Variants in CNGA3 observed in about 807,000 individuals in gnomAD.
The protein encoded by CNGA3 is cyclic nucleotide-gated channel alpha-3.
Under a neutral mutation model 46.6 loss-of-function variants are expected in CNGA3, and 42 were observed. The observed-to-expected ratio is 0.90, with a 90% CI of 0.70 to 1.17. CNGA3 has a LOEUF of 1.17. CNGA3 is among the 50% of genes most tolerant of loss of function. The pLI is 0.00. For missense variants in CNGA3, 893 were observed against 890.7 expected, an observed-to-expected ratio of 1.00 and a Z score of -0.03; for synonymous variants, 394 against 369.4, an observed-to-expected ratio of 1.07 and a Z score of -0.76.
intron 4 of CNGA3, among the ~76,000 whole-genome samples, chr2:98,381,536 ATTTG>A (rs202088589): frequency 0.019 from 2,886 of 152,166 alleles, 51 homozygotes; most frequent in South Asian, 0.046. Context: ...GGCAGTGGGT[ATTTG>A]TATGTCATAG....
At chr2:98,363,479 CT>C (rs1692079270) in intron 1 of CNGA3, among the ~76,000 whole-genome samples, 1 of 152,062 alleles carries the variant, frequency 6.6e-6, no homozygotes, top group Non-Finnish European at 1.5e-5. Context: ...ATGCTTGTGA[CT>C]TTTGTATCCT....
chr2:98,388,929 G>A (rs936025099), intron 5 of CNGA3, among the ~76,000 whole-genome samples: 1 of 152,224 alleles, frequency 6.6e-6, no homozygotes, highest in Admixed American at 6.5e-5. Flanking sequence ...CGCATGGGAT[G>A]GCAGAGGGGA....
intron 1 of CNGA3, among the ~76,000 whole-genome samples, chr2:98,368,390 G>C (rs770908354): frequency 6.6e-6 from 1 of 152,230 alleles, no homozygotes; most frequent in African/African-American, 2.4e-5. Flanking sequence ...GGCTGCTCAA[G>C]AGAGCCTGTG....
At chr2:98,367,187 T>G (rs1294888360) in intron 1 of CNGA3, among the ~76,000 whole-genome samples, 2 of 139,746 alleles carry the variant, frequency 1.4e-5, no homozygotes, top group South Asian at 2.3e-4. Context: ...TTTTTTTTCT[T>G]TTTTTTTTTT....
At chr2:98,372,843 C>T (rs1384186199) in intron 2 of CNGA3, among the ~76,000 whole-genome samples, 2 of 152,164 alleles carry the variant, frequency 1.3e-5, no homozygotes, top group African/African-American at 4.8e-5. Context: ...CATTTCCTGC[C>T]TGTGTCCAAG....
intron 1 of CNGA3, among the ~76,000 whole-genome samples, chr2:98,360,025 C>T (rs771046299): frequency 2.8e-4 from 43 of 152,154 alleles, no homozygotes; most frequent in Non-Finnish European, 5.7e-4. Context: ...AGCATGGGGT[C>T]CTTTAAAGCA....
chr2:98,362,173 C>CTT (rs1231791527), intron 1 of CNGA3, among the ~76,000 whole-genome samples: 1,737 of 89,742 alleles, frequency 0.019, 20 homozygotes, highest in Non-Finnish European at 0.022. Flanking sequence ...CCTTTGCCCA[C>CTT]TTTTTTTTTT....
intron 1 of CNGA3, among the ~76,000 whole-genome samples, chr2:98,352,885 A>G (rs1166196742): frequency 6.6e-6 from 1 of 152,154 alleles, no homozygotes; most frequent in Non-Finnish European, 1.5e-5. Flanking sequence ...ATTCTTTATA[A>G]TAAATCATAT....
At position 98,397,226 on chromosome 2, in the gene CNGA3, G is replaced by A; in HGVS notation, c.2056G>A (p.Ala686Thr). The A allele has an allele frequency of 6.2e-7, 1 of 1,613,974 alleles. No homozygotes were observed. The highest frequency in any genetic ancestry group is 2.2e-5 in the East Asian group (1 of 44,888). ...GGCTGATGGGGAAGTTCCCGGGGAT[G>A]CTACAAAAACAGAGGACAAACAACA... ...PLADGEVPGD[A>T]TKTEDKQQ The change falls in exon 8 of 8, where the codon GCT becomes ACT. Residue 686 changes from alanine to threonine, a missense_variant. Coordinates refer to ENST00000272602, the MANE Select transcript of CNGA3 (RefSeq NM_001298.3).
At chr2:98,389,444 G>A (rs563351622) in intron 5 of CNGA3, among the ~76,000 whole-genome samples, 4 of 152,296 alleles carry the variant, frequency 2.6e-5, no homozygotes, top group African/African-American at 7.2e-5. Flanking sequence ...TCCTGGGACT[G>A]AGCTGGGAGA....
At chr2:98,350,566 GC>G (rs1201928591) in intron 1 of CNGA3, among the ~76,000 whole-genome samples, 1 of 152,140 alleles carries the variant, frequency 6.6e-6, no homozygotes, top group Non-Finnish European at 1.5e-5. Context: ...TTTTTACAAA[GC>G]AGCAATTCCA....
intron 4 of CNGA3, among the ~76,000 whole-genome samples, chr2:98,380,647 T>C (rs1283982503): frequency 6.6e-6 from 1 of 152,136 alleles, no homozygotes; most frequent in African/African-American, 2.4e-5. Context: ...CTGGAAATCA[T>C]GTTCTCAGAA....
intron 2 of CNGA3, among the ~76,000 whole-genome samples, chr2:98,374,132 A>C (rs1244840339): frequency 1.3e-5 from 2 of 152,188 alleles, no homozygotes; most frequent in Non-Finnish European, 2.9e-5. Flanking sequence ...TTGCTGGAAA[A>C]CATCAGATGC....
chr2:98,395,251 C>T (rs577364340), intron 7 of CNGA3, among the ~76,000 whole-genome samples: 4 of 152,068 alleles, frequency 2.6e-5, no homozygotes, highest in African/African-American at 9.6e-5. Context: ...CTCATTGCAC[C>T]CTCCACCTCC....
In CNGA3 at chr2:98,389,744, T is replaced by C. The variant is rs1474882241; in HGVS notation, c.536T>C (p.Val179Ala). 6.2e-7 allele frequency: 1 copy of C among 1,613,444 alleles called. No homozygotes were observed. The highest frequency in any genetic ancestry group is 8.5e-7 in the Non-Finnish European group (1 of 1,180,018). ...TGGCTGACCGCCATCGCCCTGCCTG[T>C]CTTCTATAACTGGTATCTGCTTATT... ...YRWLTAIALP[V>A]FYNWYLLICR... is the part of the protein sequence containing the mutation. Residue 179 changes from valine to alanine, a missense_variant, in exon 6 of 8, where the codon GTC becomes GCC. Val to Ala is a moderately conservative substitution (Grantham distance 64, BLOSUM62 0). This residue lies in a region of CNGA3 where 333 missense variants were observed against 290.8 expected (regional missense o/e 1.15). Transcript: ENST00000272602.
chr2:98,393,230 CAA>C (rs145382807), intron 7 of CNGA3, among the ~76,000 whole-genome samples: 1 of 140,590 alleles, frequency 7.1e-6, no homozygotes. Flanking sequence ...GACCTTGTCT[CAA>C]AAAAAAAAAA....
Position 98,386,475 on chromosome 2 carries a change from C to T in CNGA3, c.449+3034C>T, listed in dbSNP as rs777123427. On this transcript the variant is annotated intron_variant, in intron 5 of 7. Transcript: ENST00000272602. ...GGAGTTCCCCTGCACAGACTCTTTG[C>T]GTGCCGCCACGTAAGATGTGACTTT... is the stretch of plus-strand genomic sequence containing the variant. Among the ~76,000 whole-genome samples the T allele has an allele frequency of 3.3e-5, 5 of 152,302 alleles. No individual in the cohort carries two copies. In the East Asian group the frequency reaches 5.8e-4, roughly 18 times the overall value.
chr2:98,382,744 C>A (rs777439363), intron 4 of CNGA3, among the ~76,000 whole-genome samples: 1 of 152,216 alleles, frequency 6.6e-6, no homozygotes, highest in South Asian at 2.1e-4. Flanking sequence ...CCAGTTTGTG[C>A]AAAACCAGCC....
At position 98,351,879 on chromosome 2, in the gene CNGA3, T is replaced by A. The variant is rs115597078; in HGVS notation, c.-38+5345T>A. On this transcript the variant is annotated intron_variant, in intron 1 of 7. Transcript: ENST00000272602. ...TTAGATATAATTTTCATGCCACAAA[T>A]GTCACCCATTTAAAATGCACATTTC... 7.1e-3 allele frequency among the ~76,000 whole-genome samples: 1,087 copies of A among 152,336 alleles called. 10 individuals are homozygous for A. Among genetic ancestry groups the A allele is most frequent in the African/African-American group, 0.025 (1,036 of 41,586 alleles).
Sources: allele counts gnomAD v4.1 joint callset (sites outside exome capture counted in the v4.1 genomes callset), GRCh38; gene constraint gnomAD v4.1.1; regional missense constraint gnomAD v4.1.1; transcripts MANE v1.5; gene names NCBI Gene and HGNC (gene_info 2026-07-23, HGNC 2026-07-21).